The following BICD1 variants were observed in gnomAD, a reference collection of about 807,000 sequenced individuals.
BICD1 encodes BICD cargo adaptor 1, also known as protein bicaudal D homolog 1.
BICD1 carries 35 observed loss-of-function variants against 92.5 expected under a neutral mutation model. The observed-to-expected ratio is 0.38, with a 90% CI of 0.29 to 0.50. BICD1 has a LOEUF of 0.50. Ranked by LOEUF, BICD1 falls within the 20% of genes least tolerant of loss-of-function variation. BICD1 has a pLI of 0.93. For synonymous variants in BICD1, 429 were observed against 465.1 expected (o/e 0.92, Z 1.00); for missense variants, 950 against 1,189.8 (o/e 0.80, Z 2.97).
intron 2 of BICD1, among the ~76,000 whole-genome samples, chr12:32,224,952 A>G (rs1359676602): frequency 2.6e-5 from 4 of 152,044 alleles, no homozygotes; most frequent in African/African-American, 7.2e-5. Flanking sequence ...TCCACTCACT[A>G]AAGTGTTGGG....
At chr12:32,148,149 A>AAAAAAAAAAAAG (rs1354029954) in intron 1 of BICD1, among the ~76,000 whole-genome samples, 1 of 150,940 alleles carries the variant, frequency 6.6e-6, no homozygotes, top group African/African-American at 2.4e-5. Flanking sequence ...CTCCAAAAAA[A>AAAAAAAAAAAAG]AAAGAATCTG....
intron 2 of BICD1, among the ~76,000 whole-genome samples, chr12:32,259,644 C>T (rs1946805955): frequency 6.6e-6 from 1 of 152,194 alleles, no homozygotes; most frequent in South Asian, 2.1e-4. Context: ...CAATGGGCCA[C>T]ACACAAGTTC....
chr12:32,298,956 G>C (rs562382723), intron 3 of BICD1, among the ~76,000 whole-genome samples: 1 of 151,556 alleles, frequency 6.6e-6, no homozygotes, highest in South Asian at 2.1e-4. Flanking sequence ...TCATTTAACC[G>C]GTATTTCAGG....
intron 8 of BICD1, among the ~76,000 whole-genome samples, chr12:32,361,568 A>AG (rs11441866): frequency 6.7e-6 from 1 of 149,914 alleles, no homozygotes; most frequent in South Asian, 2.1e-4. Flanking sequence ...AAAAAAAAAA[A>AG]GAAAGAAAGA....
chr12:32,247,998 G>A (rs552766644), intron 2 of BICD1, among the ~76,000 whole-genome samples: 56 of 150,464 alleles, frequency 3.7e-4, no homozygotes, highest in African/African-American at 1.3e-3. Context: ...CAGGAGAATT[G>A]CTTGAACCTG....
intron 1 of BICD1, among the ~76,000 whole-genome samples, chr12:32,110,473 CTGGACAGAGCAGTA>C: frequency 6.6e-6 from 1 of 152,132 alleles, no homozygotes; most frequent in Non-Finnish European, 1.5e-5. Context: ...CTTTGGGCAG[CTGGACAGAGCAGTA>C]TGTCCACTAG....
In BICD1 at chr12:32,305,996, T is replaced by C. The variant is rs1405639000; in HGVS notation, c.879T>C (p.Leu293=). The change falls in exon 4 of 10, where the codon CTT becomes CTC. Residue 293 remains leucine (L), a synonymous_variant. Coordinates refer to ENST00000652176, the MANE Select transcript of BICD1 (RefSeq NM_001714.4). Reference sequence around the variant, plus strand: ...TGAACGGTCATATCCATGGGCCTCTTGTGAAACTGAATGGAGACTATCGGA... The same window carrying C: ...TGAACGGTCATATCCATGGGCCTCTCGTGAAACTGAATGGAGACTATCGGA... ...DKMNGHIHGP[L]VKLNGDYRTP... The C allele has an allele frequency of 6.2e-7, 1 of 1,614,186 alleles. No homozygotes were observed. The highest frequency in any genetic ancestry group is 1.1e-5 in the South Asian group (1 of 91,086).
intron 1 of BICD1, among the ~76,000 whole-genome samples, chr12:32,185,181 G>A (rs17528171): frequency 0.32 from 48,653 of 151,978 alleles, 8,319 homozygotes; most frequent in Admixed American, 0.48. Context: ...AAGTCTAAAG[G>A]AAAGGTTGTA....
chr12:32,239,959 C>T (rs1946191338), intron 2 of BICD1, among the ~76,000 whole-genome samples: 1 of 152,106 alleles, frequency 6.6e-6, no homozygotes, highest in Non-Finnish European at 1.5e-5. Flanking sequence ...TGGTATTGAA[C>T]ACTTAAGAGA....
In BICD1 at chr12:32,214,307, G is replaced by A. The variant is rs141899120; in HGVS notation, c.214-1940G>A. Among the ~76,000 whole-genome samples, 317 of 152,242 alleles carry A rather than the reference G, an allele frequency of 2.1e-3. 1 individual carries two copies. Among genetic ancestry groups the A allele is most frequent in the African/African-American group, 7.0e-3 (292 of 41,538 alleles). ...ATTTAGAAACAAAATCTGGGTGCTGGATATGCTCATTGCTACTGGTATATC... is the reference window on the plus strand; with the variant it reads ...ATTTAGAAACAAAATCTGGGTGCTGAATATGCTCATTGCTACTGGTATATC... On this transcript the variant is annotated intron_variant, in intron 1 of 9. Coordinates refer to ENST00000652176, the MANE Select transcript of BICD1 (RefSeq NM_001714.4).
chr12:32,377,949 T>C lies in BICD1; in HGVS notation c.*322T>C, dbSNP rs1485351117. 1 of 220,574 alleles carries C rather than the reference T, an allele frequency of 4.5e-6. No homozygotes were observed. Among genetic ancestry groups the C allele is most frequent in the Admixed American group, 5.2e-5 (1 of 19,298 alleles). 13.7% of individuals were successfully genotyped at this position (220,574 alleles called of 1,614,324 possible). A position where few individuals can be genotyped will look rare whatever the true frequency, so the allele number is the denominator to read the frequency against. On this transcript the variant is annotated 3_prime_UTR_variant, in exon 10 of 10. Coordinates refer to ENST00000652176, the MANE Select transcript of BICD1 (RefSeq NM_001714.4). ...TTACCTCGATAGCATAAGAGAGACC[T>C]AAGACATGTAAAATACGTATATTGC...
chr12:32,272,872 A>G (rs1947180064), intron 2 of BICD1, among the ~76,000 whole-genome samples: 1 of 152,240 alleles, frequency 6.6e-6, no homozygotes, highest in African/African-American at 2.4e-5. Context: ...AGATTGGAAA[A>G]TAAGTAATGA....
At chr12:32,149,704 G>T (rs1943230835) in intron 1 of BICD1, among the ~76,000 whole-genome samples, 1 of 152,156 alleles carries the variant, frequency 6.6e-6, no homozygotes, top group African/African-American at 2.4e-5. Context: ...CAGTTCTGGA[G>T]ACTGGGAAGT....
intron 3 of BICD1, 141 bp downstream of exon 3, chr12:32,294,287 C>A: frequency 1.2e-6 from 1 of 848,640 alleles, no homozygotes; most frequent in Middle Eastern, 3.5e-4. Flanking sequence ...AATGTCCCAA[C>A]CCTCCTATTT....
intron 1 of BICD1, among the ~76,000 whole-genome samples, chr12:32,156,654 G>A (rs560090120): frequency 5.9e-4 from 90 of 152,254 alleles, no homozygotes; most frequent in African/African-American, 2.0e-3. Context: ...ACTCTTTCCT[G>A]AAGAGCTGTT....
At chr12:32,148,130 A>G (rs1165756646) in intron 1 of BICD1, among the ~76,000 whole-genome samples, 2 of 137,322 alleles carry the variant, frequency 1.5e-5, no homozygotes, top group Non-Finnish European at 3.2e-5. Context: ...TGACAGAGCG[A>G]GACTCCGTCT....
At chr12:32,259,091 C>T (rs7302478) in intron 2 of BICD1, among the ~76,000 whole-genome samples, 31,607 of 152,056 alleles carry the variant, frequency 0.21, 4,330 homozygotes, top group Non-Finnish European at 0.29. Context: ...CTTATGTGGG[C>T]GTAAGAGAGG....
intron 1 of BICD1, among the ~76,000 whole-genome samples, chr12:32,146,412 A>G (rs894137438): frequency 1.3e-5 from 2 of 151,942 alleles, no homozygotes; most frequent in Non-Finnish European, 1.5e-5. Flanking sequence ...GTTAAAGGGA[A>G]CTATGGTCAA....
intron 3 of BICD1, among the ~76,000 whole-genome samples, chr12:32,298,741 A>C (rs1259193751): frequency 1.4e-5 from 2 of 145,072 alleles, no homozygotes; most frequent in African/African-American, 5.2e-5. Context: ...GTGGTGGCAC[A>C]TGCCTGTAAT....
Sources: gnomAD v4.1 joint callset for allele counts (sites outside exome capture counted in the v4.1 genomes callset) on GRCh38, gnomAD v4.1.1 for gene constraint, MANE v1.5 for transcripts, NCBI Gene and HGNC (gene_info 2026-07-23, HGNC 2026-07-21) for gene names.